The following SNTG1 variants were observed in gnomAD, a reference collection of about 807,000 sequenced individuals.
SNTG1 encodes gamma-1-syntrophin.
SNTG1 carries 39 observed loss-of-function variants against 74.7 expected under a neutral mutation model. The ratio of observed to expected loss-of-function variants is 0.52; its 90% confidence interval spans 0.40 to 0.68. SNTG1 has a LOEUF of 0.68. SNTG1 is among the 30% of genes least tolerant of loss of function. The pLI, the probability that SNTG1 is intolerant of heterozygous loss-of-function variation, is 0.00. For missense variants in SNTG1, 685 were observed against 609.5 expected (o/e 1.12, Z -1.30); for synonymous variants, 254 against 217.1 (o/e 1.17, Z -1.49).
intron 11 of SNTG1, among the ~76,000 whole-genome samples, chr8:50,546,157 T>C (rs1239453872): frequency 6.6e-6 from 1 of 151,980 alleles, no homozygotes; most frequent in Admixed American, 6.6e-5. Flanking sequence ...CTACAGAAAA[T>C]AAATACTGAA....
intron 2 of SNTG1, among the ~76,000 whole-genome samples, chr8:50,176,073 A>T (rs569707432): frequency 1.3e-5 from 2 of 152,244 alleles, no homozygotes; most frequent in East Asian, 3.9e-4. Flanking sequence ...TTTTTAAATT[A>T]CTGAAACAAG....
chr8:50,614,422 A>C (rs2131004765), intron 13 of SNTG1, among the ~76,000 whole-genome samples: 1 of 152,200 alleles, frequency 6.6e-6, no homozygotes, highest in East Asian at 1.9e-4. Flanking sequence ...AGATCATTTT[A>C]TTTTACCATC....
At chr8:50,645,645 A>T (rs2095104356) in intron 13 of SNTG1, among the ~76,000 whole-genome samples, 1 of 152,328 alleles carries the variant, frequency 6.6e-6, no homozygotes, top group Non-Finnish European at 1.5e-5. Flanking sequence ...AATAACAGGT[A>T]CAATTTATCT....
intron 18 of SNTG1, among the ~76,000 whole-genome samples, chr8:50,780,023 T>C (rs1407357722): frequency 1.3e-5 from 2 of 152,240 alleles, no homozygotes; most frequent in Non-Finnish European, 2.9e-5. Context: ...TTGTGTATAC[T>C]GAAGCAGCCT....
intron 1 of SNTG1, among the ~76,000 whole-genome samples, chr8:50,109,801 G>C (rs890105550): frequency 2.6e-5 from 4 of 152,176 alleles, no homozygotes; most frequent in African/African-American, 4.8e-5. Flanking sequence ...ACTCTGAAAG[G>C]TGAGGCAGAG....
chr8:50,362,222 A>G (rs998893389), intron 2 of SNTG1, among the ~76,000 whole-genome samples: 1 of 152,180 alleles, frequency 6.6e-6, no homozygotes, highest in African/African-American at 2.4e-5. Flanking sequence ...CCAATGCTGG[A>G]TGTCACAGTC....
chr8:50,458,819 C>A (rs553065598), intron 8 of SNTG1, among the ~76,000 whole-genome samples: 3 of 152,230 alleles, frequency 2.0e-5, no homozygotes, highest in African/African-American at 7.2e-5. Flanking sequence ...AATCTGGCCA[C>A]AAGTCAGATA....
At chr8:50,064,591 C>T (rs1179712143) in intron 1 of SNTG1, among the ~76,000 whole-genome samples, 1 of 152,232 alleles carries the variant, frequency 6.6e-6, no homozygotes, top group Non-Finnish European at 1.5e-5. Flanking sequence ...CTGAAAACTT[C>T]CACTGTGGCC....
intron 1 of SNTG1, among the ~76,000 whole-genome samples, chr8:50,130,943 T>C (rs1043452256): frequency 3.3e-5 from 5 of 152,100 alleles, no homozygotes; most frequent in African/African-American, 4.8e-5. Flanking sequence ...AAGATATTCA[T>C]TGACTGTAAA....
intron 8 of SNTG1, among the ~76,000 whole-genome samples, chr8:50,453,602 T>C (rs12114446): frequency 0.025 from 3,762 of 152,326 alleles, 63 homozygotes; most frequent in South Asian, 0.073. Flanking sequence ...TTTCTATCAC[T>C]CTATTATGTA....
intron 2 of SNTG1, among the ~76,000 whole-genome samples, chr8:50,314,370 T>C (rs1052410375): frequency 2.7e-5 from 4 of 149,918 alleles, no homozygotes; most frequent in Middle Eastern, 3.4e-3. Flanking sequence ...TTAAGCTTTA[T>C]TGAGATTCTT....
intron 17 of SNTG1, among the ~76,000 whole-genome samples, chr8:50,733,124 A>G (rs1257974301): frequency 2.0e-5 from 3 of 151,846 alleles, no homozygotes; most frequent in Non-Finnish European, 4.4e-5. Flanking sequence ...TATTGTTCTC[A>G]TATTTATGTT....
chr8:50,229,615 A>G (rs1340193115), intron 2 of SNTG1, among the ~76,000 whole-genome samples: 1 of 151,146 alleles, frequency 6.6e-6, no homozygotes, highest in Non-Finnish European at 1.5e-5. Context: ...GTTAAAGATA[A>G]AAATATGCAA....
chr8:49,914,327 C>T (rs1805837066), intron 1 of SNTG1, among the ~76,000 whole-genome samples: 1 of 149,868 alleles, frequency 6.7e-6, no homozygotes. Context: ...TGCATGAGGT[C>T]TTGGGAGTAC....
chr8:50,723,542 C>T (rs941276029), intron 17 of SNTG1, among the ~76,000 whole-genome samples: 2 of 152,120 alleles, frequency 1.3e-5, no homozygotes, highest in South Asian at 2.1e-4. Context: ...CCCCACTTCC[C>T]GATTACAGGC....
At chr8:50,760,136 C>T (rs1051488889) in intron 18 of SNTG1, among the ~76,000 whole-genome samples, 2 of 151,990 alleles carry the variant, frequency 1.3e-5, no homozygotes, top group Non-Finnish European at 2.9e-5. Context: ...CATGATTTGG[C>T]TCTCCATTTG....
intron 2 of SNTG1, among the ~76,000 whole-genome samples, chr8:50,346,326 A>C (rs2091475669): frequency 6.6e-6 from 1 of 152,042 alleles, no homozygotes; most frequent in South Asian, 2.1e-4. Context: ...GTGATCTTTG[A>C]TGTTACTGGT....
intron 17 of SNTG1, among the ~76,000 whole-genome samples, chr8:50,746,739 G>A (rs1270105618): frequency 6.6e-6 from 1 of 150,490 alleles, no homozygotes; most frequent in Non-Finnish European, 1.5e-5. Flanking sequence ...GGGCAAACTG[G>A]GTGTGGAGTG....
intron 1 of SNTG1, among the ~76,000 whole-genome samples, chr8:49,929,833 A>C (rs914754995): frequency 6.7e-6 from 1 of 150,346 alleles, no homozygotes; most frequent in African/African-American, 2.4e-5. Context: ...GTCATCTAGC[A>C]TTAGGTATAT....
Sources: gnomAD v4.1 joint callset for allele counts (sites outside exome capture counted in the v4.1 genomes callset) on GRCh38, gnomAD v4.1.1 for gene constraint, MANE v1.5 for transcripts, NCBI Gene and HGNC (gene_info 2026-07-23, HGNC 2026-07-21) for gene names.